The following CPEB1 variants were observed in gnomAD, a reference collection of about 807,000 sequenced individuals.
The protein encoded by CPEB1 is cytoplasmic polyadenylation element-binding protein 1.
Under a neutral mutation model 65.8 loss-of-function variants are expected in CPEB1, and 7 were observed. That is an observed-to-expected ratio of 0.11 (90% CI 0.06 to 0.20). The LOEUF (loss-of-function observed/expected upper bound fraction) is 0.20. Among genes scored for constraint, CPEB1 ranks in the 10% least tolerant of loss-of-function variants. The probability of loss-of-function intolerance (pLI) is 1.00; values close to 1 mark genes in which losing one functional copy is unlikely to be tolerated. For synonymous variants in CPEB1, 262 were observed against 260.0 expected, an observed-to-expected ratio of 1.01 and a Z score of -0.08; for missense variants, 551 against 712.2, an observed-to-expected ratio of 0.77 and a Z score of 2.58.
chr15:82,621,655 C>G (rs994539043), intron 3 of CPEB1, among the ~76,000 whole-genome samples: 1 of 151,560 alleles, frequency 6.6e-6, no homozygotes, highest in Non-Finnish European at 1.5e-5. Context: ...CAGGCTACAA[C>G]TATACAATTC....
rs1234302172 is a variant in CPEB1 at position 82,553,543 on chromosome 15, G to A, written c.1068C>T (p.Asn356=). 53 of 1,612,254 alleles carry A rather than the reference G, an allele frequency of 3.3e-5. No individual in the cohort carries two copies. Among genetic ancestry groups the A allele is most frequent in the Admixed American group, 1.0e-4 (6 of 59,846 alleles). ...PWDITEAGLV[N]TFRVFGSLSV... ...TCAAAGAGCCAAAAACACGGAAGGT[G>A]TTAACTAATCCAGCTGCAAAGAGAC... is the stretch of plus-strand genomic sequence containing the variant. Residue 356 remains asparagine, a synonymous_variant, in exon 8 of 13, where the codon AAC becomes AAT. Coordinates refer to ENST00000684509, the MANE Select transcript of CPEB1 (RefSeq NM_001365242.1).
intron 1 of CPEB1, 157 bp downstream of exon 1, chr15:82,646,980 C>A (rs11635624): frequency 0.29 from 44,265 of 152,604 alleles, 7,790 homozygotes; most frequent in East Asian, 0.55. Context: ...CCTCGTCCGG[C>A]ACTGAGGAGA....
At chr15:82,616,570 G>C (rs1166075588) in intron 3 of CPEB1, among the ~76,000 whole-genome samples, 1 of 129,456 alleles carries the variant, frequency 7.7e-6, no homozygotes, top group African/African-American at 3.0e-5. Flanking sequence ...ACGGAGTTTC[G>C]TTCTTGTCAT....
At chr15:82,564,676 CAG>C (rs1374201606) in intron 4 of CPEB1, among the ~76,000 whole-genome samples, 2 of 152,150 alleles carry the variant, frequency 1.3e-5, no homozygotes, top group African/African-American at 2.4e-5. Flanking sequence ...ATCGCCAAAA[CAG>C]AGGTTTAAAA....
intron 3 of CPEB1, among the ~76,000 whole-genome samples, chr15:82,625,713 T>A (rs1188925090): frequency 6.6e-6 from 1 of 152,218 alleles, no homozygotes; most frequent in Non-Finnish European, 1.5e-5. Flanking sequence ...TCCAACGTAG[T>A]GTTGCTCAAG....
intron 3 of CPEB1, among the ~76,000 whole-genome samples, chr15:82,592,713 C>T (rs1227132963): frequency 4.6e-5 from 7 of 151,570 alleles, no homozygotes; most frequent in East Asian, 1.9e-4. Context: ...GGGCCGGGCG[C>T]GGTGGTTCAC....
At chr15:82,564,059 C>T (rs985634789) in intron 4 of CPEB1, among the ~76,000 whole-genome samples, 1 of 152,108 alleles carries the variant, frequency 6.6e-6, no homozygotes, top group African/African-American at 2.4e-5. Context: ...TTTGCAGGCC[C>T]ACATGTGTAA....
intron 1 of CPEB1, among the ~76,000 whole-genome samples, chr15:82,639,823 C>G (rs1028751153): frequency 4.6e-5 from 7 of 151,580 alleles, no homozygotes; most frequent in East Asian, 3.9e-4. Flanking sequence ...CCTATTCAAC[C>G]AGTCCTCAGA....
chr15:82,556,147 G>A (rs375075060), intron 5 of CPEB1, 25 bp from the exon 6 acceptor site: 76 of 1,566,994 alleles, frequency 4.9e-5, no homozygotes, highest in Admixed American at 3.0e-4. Context: ...AGGAAGACAG[G>A]GTTTTAAAGG....
At chr15:82,604,002 A>T (rs888404323) in intron 3 of CPEB1, among the ~76,000 whole-genome samples, 1 of 152,388 alleles carries the variant, frequency 6.6e-6, no homozygotes, top group Middle Eastern at 3.4e-3. Flanking sequence ...CAAAGGGCAG[A>T]CATTACATGT....
At chr15:82,601,405 G>T (rs2043111910) in intron 3 of CPEB1, among the ~76,000 whole-genome samples, 1 of 151,924 alleles carries the variant, frequency 6.6e-6, no homozygotes, top group Non-Finnish European at 1.5e-5. Context: ...GCCAGGCATG[G>T]TGGCAGGCGC....
At position 82,571,691 on chromosome 15, in the gene CPEB1, C is replaced by A. The variant is rs117188117; in HGVS notation, c.272-159G>T. Reference sequence around the variant, plus strand: ...GCCGCTGCCTCTGCACTTTTGGGGACGCTGGGGCAAGAGCAGTTGCCATAC... The same window carrying A: ...GCCGCTGCCTCTGCACTTTTGGGGAAGCTGGGGCAAGAGCAGTTGCCATAC... On this transcript the variant is annotated intron_variant, in intron 3 of 12. Coordinates refer to ENST00000684509, the MANE Select transcript of CPEB1 (RefSeq NM_001365242.1). The A allele has an allele frequency of 9.1e-4, 1,303 of 1,437,058 alleles. 15 individuals carry two copies. The African/African-American group carries it at 0.016, about 18-fold the overall frequency. The allele number at this position is 1,437,058 out of a possible 1,614,324, so 89.0% of individuals were successfully genotyped here. A position where few individuals can be genotyped will look rare whatever the true frequency, so the allele number is the denominator to read the frequency against.
chr15:82,562,288 T>C, intron 4 of CPEB1: 2 of 445,980 alleles, frequency 4.5e-6, no homozygotes, highest in Middle Eastern at 3.3e-4. Flanking sequence ...GTCCCTGCTT[T>C]AGGACCTAGA....
At position 82,618,128 on chromosome 15, in the gene CPEB1, G is replaced by A. The variant is rs115976341; in HGVS notation, c.271+9065C>T. On this transcript the variant is annotated intron_variant, in intron 3 of 12. Transcript: ENST00000684509. ...AAAGAGTGGAACCACTGGGTCTTAT[G>A]GTAGGTAAACATTTAACCTTTTAGG... 6.0e-3 allele frequency among the ~76,000 whole-genome samples: 903 copies of A among 151,548 alleles called. 12 individuals are homozygous for A. Among genetic ancestry groups the A allele is most frequent in the African/African-American group, 0.021 (863 of 41,344 alleles).
intron 4 of CPEB1, among the ~76,000 whole-genome samples, chr15:82,570,522 C>G (rs942820359): frequency 6.6e-6 from 1 of 152,024 alleles, no homozygotes; most frequent in Non-Finnish European, 1.5e-5. Context: ...CTGAATACTC[C>G]AAGACTTGTA....
chr15:82,646,006 G>A (rs587698631), intron 1 of CPEB1, among the ~76,000 whole-genome samples: 104 of 152,234 alleles, frequency 6.8e-4, no homozygotes, highest in African/African-American at 2.4e-3. Context: ...CCAAAACACC[G>A]TCCCCAGGGT....
At chr15:82,585,621 A>G (rs1464611105) in intron 3 of CPEB1, among the ~76,000 whole-genome samples, 1 of 152,186 alleles carries the variant, frequency 6.6e-6, no homozygotes, top group African/African-American at 2.4e-5. Context: ...GACCAAGCTA[A>G]GCACTCATCT....
At chr15:82,644,251 T>C (rs1283592725) in intron 1 of CPEB1, among the ~76,000 whole-genome samples, 2 of 152,188 alleles carry the variant, frequency 1.3e-5, no homozygotes, top group East Asian at 3.8e-4. Context: ...ACTTTGCCTA[T>C]AAATGTGACC....
At chr15:82,571,640 G>C (rs916944397) in intron 3 of CPEB1, 108 bp from the exon 4 acceptor site, 18 of 1,469,424 alleles carry the variant, frequency 1.2e-5, no homozygotes, top group Non-Finnish European at 1.5e-5. Context: ...TCACAGGCCA[G>C]ACATCCAAGC....
Sources: gnomAD v4.1 joint callset for allele counts (sites outside exome capture counted in the v4.1 genomes callset) on GRCh38, gnomAD v4.1.1 for gene constraint, MANE v1.5 for transcripts, NCBI Gene and HGNC (gene_info 2026-07-23, HGNC 2026-07-21) for gene names.